SETD5: variants seen among roughly 807,000 people sequenced by gnomAD.
SETD5 encodes SET domain containing 5.
A neutral mutation model predicts 153.3 loss-of-function variants in SETD5; 44 were observed. That is an observed-to-expected ratio of 0.29 (90% CI 0.23 to 0.37). SETD5 has a LOEUF of 0.37. Among genes scored for constraint, SETD5 ranks in the 10% least tolerant of loss-of-function variants. The probability of loss-of-function intolerance (pLI) is 1.00; values close to 1 mark genes in which losing one functional copy is unlikely to be tolerated. For synonymous variants in SETD5, 716 were observed against 645.2 expected (o/e 1.11, Z -1.66); for missense variants, 1,544 against 1,768.0 (o/e 0.87, Z 2.27).
intron 1 of SETD5, among the ~76,000 whole-genome samples, chr3:9,412,903 T>G (rs2036821956): frequency 6.6e-6 from 1 of 151,764 alleles, no homozygotes; most frequent in Non-Finnish European, 1.5e-5. Flanking sequence ...TTTACTTTCA[T>G]ACTTTATTTG....
chr3:9,432,987 GTA>G (rs2040149557), intron 3 of SETD5, among the ~76,000 whole-genome samples: 1 of 152,196 alleles, frequency 6.6e-6, no homozygotes, highest in East Asian at 1.9e-4. Context: ...GTGTCAGTGT[GTA>G]ACCTTGGGGA....
At chr3:9,416,288 T>C (rs2037445810) in intron 1 of SETD5, among the ~76,000 whole-genome samples, 1 of 152,210 alleles carries the variant, frequency 6.6e-6, no homozygotes, top group African/African-American at 2.4e-5. Context: ...TTTTGTGATA[T>C]AATCAGTCCT....
intron 1 of SETD5, among the ~76,000 whole-genome samples, chr3:9,399,672 C>T (rs2034427437): frequency 6.6e-6 from 1 of 152,172 alleles, no homozygotes. Context: ...AAAGCTTAAT[C>T]TTCACTCCTA....
At position 9,476,415 on chromosome 3, in the gene SETD5, T is replaced by A; in HGVS notation, c.*324T>A. ...GAAGCCTCCGTCTCCCATCCTTGCC[T>A]GTAGCCCGTAGTCACTTGTGCAGTG... On this transcript the variant is annotated 3_prime_UTR_variant, in exon 23 of 23. Coordinates refer to ENST00000402198, the MANE Select transcript of SETD5 (RefSeq NM_001080517.3). The A allele has an allele frequency of 3.9e-6, 1 of 254,552 alleles. No homozygotes were observed. The highest frequency in any genetic ancestry group is 7.6e-6 in the Non-Finnish European group (1 of 130,882). The allele number at this position is 254,552 out of a possible 1,614,324, so 15.8% of individuals were successfully genotyped here. A position where few individuals can be genotyped will look rare whatever the true frequency, so the allele number is the denominator to read the frequency against.
chr3:9,440,162 A>G (rs1290686994), intron 7 of SETD5, among the ~76,000 whole-genome samples: 1 of 152,178 alleles, frequency 6.6e-6, no homozygotes, highest in Non-Finnish European at 1.5e-5. Context: ...ATGACTTTAA[A>G]ATGGTCATAA....
intron 1 of SETD5, among the ~76,000 whole-genome samples, chr3:9,413,373 A>G (rs1448026806): frequency 6.6e-6 from 1 of 152,198 alleles, no homozygotes; most frequent in African/African-American, 2.4e-5. Flanking sequence ...ACATTTTATG[A>G]TATGGTTGAA....
Position 9,464,423 on chromosome 3 carries a change from A to G in SETD5, c.2477-2A>G. The G allele has an allele frequency of 6.2e-7, 1 of 1,604,032 alleles. No homozygotes were observed. The highest frequency in any genetic ancestry group is 8.5e-7 in the Non-Finnish European group (1 of 1,171,796). On this transcript the variant is annotated splice_acceptor_variant, in intron 17 of 22. Transcript: ENST00000402198. LOFTEE classifies it high-confidence loss of function. ...CTCTCATCCAAGCTTTGTGTTTCAC[A>G]GACTTGTTGAGCCCATTAAAGAAAT... is the stretch of plus-strand genomic sequence containing the variant.
At chr3:9,432,722 G>A (rs2040110837) in intron 3 of SETD5, among the ~76,000 whole-genome samples, 1 of 152,064 alleles carries the variant, frequency 6.6e-6, no homozygotes, top group Non-Finnish European at 1.5e-5. Flanking sequence ...TGCCATCAAA[G>A]CCTTTTTATT....
chr3:9,430,226 T>C, intron 3 of SETD5: 1 of 985,110 alleles, frequency 1.0e-6, no homozygotes. Flanking sequence ...TGTATATTTC[T>C]TCATAAAGCC....
intron 3 of SETD5, chr3:9,430,276 G>A (rs926189161): frequency 2.5e-5 from 25 of 984,698 alleles, no homozygotes; most frequent in Non-Finnish European, 3.0e-5. Flanking sequence ...TCCTTAAAGA[G>A]GAAGACTTAA....
At chr3:9,457,365 G>A (rs1036155081) in intron 17 of SETD5, among the ~76,000 whole-genome samples, 1 of 152,082 alleles carries the variant, frequency 6.6e-6, no homozygotes. Context: ...GTGGGCACTT[G>A]TAGTCCCGCT....
chr3:9,423,042 T>G (rs113225651), intron 1 of SETD5, among the ~76,000 whole-genome samples: 359 of 152,350 alleles, frequency 2.4e-3, no homozygotes, highest in Middle Eastern at 6.8e-3. Flanking sequence ...TATTGGACTT[T>G]TGTCTGCCAG....
At chr3:9,467,294 A>T (rs568898893) in intron 18 of SETD5, among the ~76,000 whole-genome samples, 1 of 151,966 alleles carries the variant, frequency 6.6e-6, no homozygotes, top group African/African-American at 2.4e-5. Flanking sequence ...AAATGGTGAG[A>T]AGTCTTAAGT....
intron 18 of SETD5, chr3:9,468,484 G>A (rs1301379189): frequency 1.5e-6 from 2 of 1,302,270 alleles, no homozygotes; most frequent in Admixed American, 2.3e-5. Flanking sequence ...ACTTCGAGTA[G>A]ATGAATAATA....
Position 9,434,984 on chromosome 3 carries a change from C to T in SETD5, c.388+102C>T. On this transcript the variant is annotated intron_variant, in intron 6 of 22. Transcript: ENST00000402198. This position sits in a 1 kb window ranked among gnomAD's most constrained non-coding sequence, Gnocchi z 5.6. ...TCTTGGCCAGGCGCAGTGGCTTACG[C>T]CTGTAATCTCACCACTTAGGGAGGC... is the stretch of plus-strand genomic sequence containing the variant. The T allele has an allele frequency of 7.3e-7, 1 of 1,362,956 alleles. No individual in the cohort carries two copies. The highest frequency in any genetic ancestry group is 1.0e-6 in the Non-Finnish European group (1 of 1,004,476). The allele number at this position is 1,362,956 out of a possible 1,614,324, so 84.4% of individuals were successfully genotyped here.
At chr3:9,399,692 C>G (rs2034433088) in intron 1 of SETD5, among the ~76,000 whole-genome samples, 1 of 152,162 alleles carries the variant, frequency 6.6e-6, no homozygotes, top group Non-Finnish European at 1.5e-5. Context: ...AAACTGCTGG[C>G]TTAATTAAAA....
intron 20 of SETD5, among the ~76,000 whole-genome samples, 158 bp from the exon 21 acceptor site, chr3:9,474,291 A>T (rs566951183): frequency 1.3e-5 from 2 of 152,246 alleles, no homozygotes; most frequent in South Asian, 4.1e-4. Context: ...TTTGTGCCTG[A>T]CATAGTTGGA....
Position 9,447,751 on chromosome 3 carries a change from G to C in SETD5, c.1848G>C (p.Lys616Asn). The C allele has an allele frequency of 6.2e-7, 1 of 1,614,020 alleles. No individual in the cohort carries two copies. The highest frequency in any genetic ancestry group is 8.5e-7 in the Non-Finnish European group (1 of 1,179,892). Residue 616 changes from lysine (K) to asparagine (N), a missense_variant, in exon 15 of 23, where the codon AAG becomes AAC. Lys to Asn is a moderately conservative substitution (Grantham distance 94). Coordinates refer to ENST00000402198, the MANE Select transcript of SETD5 (RefSeq NM_001080517.3). ...CAAAGCCTTCTAGGCCCCGGCCGAA[G>C]AGTCGAATTTCTCGGTACAGGACCA... ...PPAKPSRPRP[K>N]SRISRYRTSS...
At position 9,435,831 on chromosome 3, in the gene SETD5, T is replaced by C. The variant is rs766800707; in HGVS notation, c.492T>C (p.Val164=). The C allele has an allele frequency of 2.5e-6, 4 of 1,601,694 alleles. No individual in the cohort carries two copies. In the African/African-American group the frequency reaches 5.4e-5, roughly 21 times the overall value. The change falls in exon 7 of 23, where the codon GTT becomes GTC. Residue 164 remains valine (V), a synonymous_variant. Coordinates refer to ENST00000402198, the MANE Select transcript of SETD5 (RefSeq NM_001080517.3). ...QHTPTSITLT[V]RRTKPKKRKK... is the part of the protein sequence containing the mutation. ...CACCTACAAGCATCACCTTAACTGT[T>C]AGAAGAACCAAACCCAAGAAGCGGA...
Sources: gnomAD v4.1 joint callset for allele counts (sites outside exome capture counted in the v4.1 genomes callset) on GRCh38, gnomAD v4.1.1 for gene constraint, Gnocchi (gnomAD v3.1) non-coding constraint, MANE v1.5 for transcripts, NCBI Gene and HGNC (gene_info 2026-07-23, HGNC 2026-07-21) for gene names.